The following IL1RAPL2 variants were observed in gnomAD, a reference collection of about 807,000 sequenced individuals.
IL1RAPL2 encodes X-linked interleukin-1 receptor accessory protein-like 2.
A neutral mutation model predicts 44.1 loss-of-function variants in IL1RAPL2; 3 were observed. The observed-to-expected ratio is 0.07, with a 90% CI of 0.03 to 0.18. IL1RAPL2 has a LOEUF of 0.18. Ranked by LOEUF, IL1RAPL2 falls within the 10% of genes least tolerant of loss-of-function variation. The probability of loss-of-function intolerance (pLI) is 1.00; values close to 1 mark genes in which losing one functional copy is unlikely to be tolerated. For missense variants in IL1RAPL2, 391 were observed against 496.4 expected, an observed-to-expected ratio of 0.79 and a Z score of 2.02; for synonymous variants, 181 against 178.8, an observed-to-expected ratio of 1.01 and a Z score of -0.10.
chrX:105,115,798 A>G (rs1031522468), intron 2 of IL1RAPL2, among the ~76,000 whole-genome samples: 2 of 112,876 alleles, frequency 1.8e-5, no homozygotes, highest in African/African-American at 6.4e-5. Context: ...CCTGGAGCAG[A>G]GAGCGGCGCT....
chrX:104,739,729 C>A (rs1005805681), intron 2 of IL1RAPL2, among the ~76,000 whole-genome samples: 1 of 111,752 alleles, frequency 8.9e-6, no homozygotes, highest in Non-Finnish European at 1.9e-5. Context: ...CTACTTCTAC[C>A]AATTTTCATG....
chrX:104,674,310 G>C (rs1198808134), intron 2 of IL1RAPL2, among the ~76,000 whole-genome samples: 31 of 111,657 alleles, frequency 2.8e-4, no homozygotes, highest in South Asian at 7.5e-4. Flanking sequence ...TAGCATGAAG[G>C]GTTGTTGAAT....
chrX:104,608,454 A>G (rs1224090050), intron 1 of IL1RAPL2, among the ~76,000 whole-genome samples: 1 of 110,312 alleles, frequency 9.1e-6, no homozygotes, highest in Non-Finnish European at 1.9e-5. Context: ...TCCCATTATT[A>G]TTGTGTGGGA....
intron 2 of IL1RAPL2, among the ~76,000 whole-genome samples, chrX:104,894,096 G>A (rs1258798502): frequency 8.9e-6 from 1 of 111,802 alleles, no homozygotes; most frequent in Non-Finnish European, 1.9e-5. Flanking sequence ...CTTTTCTTAA[G>A]TATGTTGGAT....
chrX:105,578,430 C>T (rs2037066540), intron 6 of IL1RAPL2, among the ~76,000 whole-genome samples: 2 of 110,881 alleles, frequency 1.8e-5, no homozygotes, highest in Non-Finnish European at 3.8e-5. Flanking sequence ...TTTAATTATG[C>T]TTTAAATCCC....
intron 2 of IL1RAPL2, among the ~76,000 whole-genome samples, chrX:105,125,093 TA>T (rs1236697845): frequency 9.0e-6 from 1 of 111,058 alleles, no homozygotes; most frequent in Admixed American, 9.6e-5. Flanking sequence ...GTACTTTCTT[TA>T]AGCTGCTTGT....
intron 3 of IL1RAPL2, among the ~76,000 whole-genome samples, chrX:105,198,319 T>C (rs782416916): frequency 5.4e-5 from 6 of 112,098 alleles, no homozygotes; most frequent in Non-Finnish European, 1.1e-4. Flanking sequence ...TGTTGCTTAA[T>C]ATTTTATGAT....
chrX:105,003,865 A>T (rs1569359203), intron 2 of IL1RAPL2, among the ~76,000 whole-genome samples: 1 of 111,520 alleles, frequency 9.0e-6, no homozygotes, highest in Non-Finnish European at 1.9e-5. Context: ...ATAATAATTG[A>T]CATTAAAGTA....
At chrX:105,128,784 G>T (rs146535742) in intron 2 of IL1RAPL2, among the ~76,000 whole-genome samples, 1,135 of 111,110 alleles carry the variant, frequency 0.01, 8 homozygotes, top group Middle Eastern at 0.037. Context: ...TTAGTTCTAT[G>T]AATGAATTGT....
At chrX:104,912,251 T>C (rs1387098632) in intron 2 of IL1RAPL2, among the ~76,000 whole-genome samples, 4 of 109,951 alleles carry the variant, frequency 3.6e-5, no homozygotes, top group Non-Finnish European at 7.6e-5. Context: ...CATGAATAAA[T>C]CTAATGTAAA....
At chrX:104,737,327 C>T (rs1013574344) in intron 2 of IL1RAPL2, among the ~76,000 whole-genome samples, 7 of 112,364 alleles carry the variant, frequency 6.2e-5, no homozygotes, top group Non-Finnish European at 1.1e-4. Flanking sequence ...GAATGCAGAA[C>T]TGCTTTGTAG....
At chrX:105,628,617 T>C (rs1202097620) in intron 6 of IL1RAPL2, among the ~76,000 whole-genome samples, 1 of 112,219 alleles carries the variant, frequency 8.9e-6, no homozygotes, top group Non-Finnish European at 1.9e-5. Context: ...AATGTGGAAA[T>C]GGAAGCACAC....
chrX:104,658,144 G>T (rs965602138), intron 1 of IL1RAPL2, among the ~76,000 whole-genome samples: 25 of 112,085 alleles, frequency 2.2e-4, no homozygotes, highest in Non-Finnish European at 4.5e-4. Flanking sequence ...TATAAATCAT[G>T]CTACTATAAA....
At chrX:104,770,004 TC>T (rs1385264273) in intron 2 of IL1RAPL2, among the ~76,000 whole-genome samples, 2 of 111,610 alleles carry the variant, frequency 1.8e-5, no homozygotes, top group Non-Finnish European at 3.8e-5. Flanking sequence ...TTTTTTCCTT[TC>T]TTTTTAGTAA....
In IL1RAPL2 at chrX:104,855,680, C is replaced by CTTTTTTTTTTTTTTTTT. The variant is rs1304044009; in HGVS notation, c.82+196685_82+196686insTTTTTTTTTTTTTTTTT. 1.1e-4 allele frequency among the ~76,000 whole-genome samples: 6 copies of CTTTTTTTTTTTTTTTTT among 53,806 alleles called. 1 individual carries two copies. Among genetic ancestry groups the CTTTTTTTTTTTTTTTTT allele is most frequent in the African/African-American group, 3.8e-4 (6 of 15,976 alleles). 46.7% of individuals were successfully genotyped at this position (53,806 alleles called of 115,157 possible). On this transcript the variant is annotated intron_variant, in intron 2 of 10. Transcript: ENST00000372582. ...CTTAACTGTGCTAAGGATCTGGATC[C>CTTTTTTTTTTTTTTTTT]GTTTTTTTTTTTTTTTTTACTGTAT... is the stretch of plus-strand genomic sequence containing the variant.
intron 5 of IL1RAPL2, among the ~76,000 whole-genome samples, chrX:105,479,529 C>T (rs1204260441): frequency 9.1e-6 from 1 of 109,689 alleles, no homozygotes; most frequent in African/African-American, 3.3e-5. Flanking sequence ...TACCTGAGGT[C>T]GGGAGTTCGA....
intron 5 of IL1RAPL2, among the ~76,000 whole-genome samples, chrX:105,395,931 A>G (rs1486425714): frequency 1.8e-5 from 2 of 112,074 alleles, no homozygotes; most frequent in East Asian, 5.6e-4. Context: ...TCTCTGTTTT[A>G]TCAAGTCCTC....
At chrX:105,272,340 C>G (rs757649435) in intron 5 of IL1RAPL2, among the ~76,000 whole-genome samples, 10 of 111,823 alleles carry the variant, frequency 8.9e-5, no homozygotes, top group Non-Finnish European at 1.7e-4. Context: ...AAAATGGACA[C>G]AAGAAGGAAG....
intron 2 of IL1RAPL2, among the ~76,000 whole-genome samples, chrX:105,122,627 T>A (rs1029418895): frequency 2.7e-5 from 3 of 111,550 alleles, no homozygotes; most frequent in African/African-American, 9.8e-5. Flanking sequence ...TGTGGAAAAG[T>A]CACATAATAC....
Sources: gnomAD v4.1 joint callset for allele counts (sites outside exome capture counted in the v4.1 genomes callset) on GRCh38, gnomAD v4.1.1 for gene constraint, MANE v1.5 for transcripts, NCBI Gene and HGNC (gene_info 2026-07-23, HGNC 2026-07-21) for gene names.